The following ADGRE2 variants were observed in gnomAD, a reference collection of about 807,000 sequenced individuals.
The protein encoded by ADGRE2 is adhesion G protein-coupled receptor E2.
ADGRE2 carries 83 observed loss-of-function variants against 100.8 expected under a neutral mutation model. The ratio of observed to expected loss-of-function variants is 0.82; its 90% CI spans 0.69 to 0.99. ADGRE2 has a LOEUF of 0.99. Among genes scored for constraint, ADGRE2 ranks in the 50% least tolerant of loss-of-function variants. The pLI is 0.00. For synonymous variants in ADGRE2, 355 were observed against 413.0 expected, an observed-to-expected ratio of 0.86 and a Z score of 1.70; for missense variants, 814 against 1,035.7, an observed-to-expected ratio of 0.79 and a Z score of 2.94.
intron 5 of ADGRE2, among the ~76,000 whole-genome samples, chr19:14,770,368 T>G (rs1420204113): frequency 1.3e-5 from 2 of 152,186 alleles, no homozygotes; most frequent in African/African-American, 4.8e-5. Context: ...CAGAAGCAGA[T>G]GCTGGAGCCA....
intron 5 of ADGRE2, among the ~76,000 whole-genome samples, chr19:14,770,988 C>T (rs574756735): frequency 1.3e-5 from 2 of 152,114 alleles, no homozygotes; most frequent in East Asian, 3.9e-4. Flanking sequence ...CCCGGAGAGT[C>T]CTTTTTCTAA....
intron 5 of ADGRE2, among the ~76,000 whole-genome samples, chr19:14,769,855 G>A (rs1371282408): frequency 6.6e-6 from 1 of 151,954 alleles, no homozygotes; most frequent in Non-Finnish European, 1.5e-5. Flanking sequence ...CCACCACCAC[G>A]CCCAGCTAAT....
At chr19:14,749,642 G>T (rs2043216530) in intron 16 of ADGRE2, among the ~76,000 whole-genome samples, 1 of 143,438 alleles carries the variant, frequency 7.0e-6, no homozygotes, top group Non-Finnish European at 1.5e-5. Flanking sequence ...TTATAGCTAT[G>T]TTATGTAATT....
At chr19:14,745,894 A>G (rs903160628) in intron 18 of ADGRE2, among the ~76,000 whole-genome samples, 3 of 152,192 alleles carry the variant, frequency 2.0e-5, no homozygotes, top group African/African-American at 7.2e-5. Flanking sequence ...AGTGACCTCC[A>G]GTTTCATCCA....
intron 2 of ADGRE2, among the ~76,000 whole-genome samples, chr19:14,775,359 T>C (rs57768898): frequency 0.04 from 6,138 of 151,880 alleles, 173 homozygotes; most frequent in African/African-American, 0.081. Context: ...CTTGCTCTGT[T>C]GCCCAGGCTG....
intron 17 of ADGRE2, among the ~76,000 whole-genome samples, chr19:14,746,660 G>C (rs532321201): frequency 6.6e-6 from 1 of 152,148 alleles, no homozygotes; most frequent in African/African-American, 2.4e-5. Flanking sequence ...ACCACACCGG[G>C]CCTGAAGCCC....
chr19:14,769,888 C>T (rs561216437), intron 5 of ADGRE2, among the ~76,000 whole-genome samples: 48 of 152,092 alleles, frequency 3.2e-4, no homozygotes, highest in East Asian at 1.2e-3. Flanking sequence ...GTAGTAGAGA[C>T]GGGGTTTCAC....
intron 5 of ADGRE2, among the ~76,000 whole-genome samples, chr19:14,769,279 G>A (rs767723772): frequency 1.4e-4 from 22 of 152,274 alleles, no homozygotes; most frequent in Admixed American, 8.5e-4. Context: ...CAGATGGGCA[G>A]GGGGATGTTC....
intron 20 of ADGRE2, among the ~76,000 whole-genome samples, chr19:14,742,626 G>A (rs2042965159): frequency 6.6e-6 from 1 of 152,206 alleles, no homozygotes; most frequent in African/African-American, 2.4e-5. Flanking sequence ...GTTGGTAGAG[G>A]CAGACTTGTT....
At chr19:14,750,688 T>C (rs573329145) in intron 16 of ADGRE2, among the ~76,000 whole-genome samples, 2 of 152,312 alleles carry the variant, frequency 1.3e-5, no homozygotes, top group East Asian at 3.9e-4. Flanking sequence ...CTTTTTCAAA[T>C]GAAAAATTGG....
At chr19:14,750,355 A>C (rs1304968014) in intron 16 of ADGRE2, among the ~76,000 whole-genome samples, 1 of 151,792 alleles carries the variant, frequency 6.6e-6, no homozygotes, top group East Asian at 1.9e-4. Flanking sequence ...CATTTGACAA[A>C]ATCAAACACT....
chr19:14,773,213 G>C (rs111878082), intron 4 of ADGRE2, among the ~76,000 whole-genome samples: 2 of 148,810 alleles, frequency 1.3e-5, no homozygotes, highest in African/African-American at 5.0e-5. Flanking sequence ...TCCTGAGCAC[G>C]CAGCTTCTCT....
chr19:14,740,751 T>C (rs1208766960), intron 20 of ADGRE2, among the ~76,000 whole-genome samples: 1 of 130,164 alleles, frequency 7.7e-6, no homozygotes, highest in African/African-American at 4.8e-5. Context: ...ATGTATTTAC[T>C]TTACACAAGG....
the ADGRE2 span, among the ~76,000 whole-genome samples, chr19:14,725,005 A>G: frequency 2.0e-5 from 3 of 152,162 alleles, no homozygotes; most frequent in African/African-American, 7.2e-5. Flanking sequence ...GTAATTTATA[A>G]AGAAAAGAGG....
At chr19:14,749,182 TTATATAACCA>T (rs2043183398) in intron 16 of ADGRE2, among the ~76,000 whole-genome samples, 1 of 60,408 alleles carries the variant, frequency 1.7e-5, no homozygotes, top group Non-Finnish European at 2.8e-5. Flanking sequence ...AACCATATAA[TTATATAACCA>T]TATAATTATA....
intron 20 of ADGRE2, among the ~76,000 whole-genome samples, chr19:14,739,624 C>G (rs1270857090): frequency 1.3e-5 from 2 of 150,626 alleles, no homozygotes; most frequent in East Asian, 3.9e-4. Flanking sequence ...GAATAATGAC[C>G]CCCCAAAGAG....
rs778669202 is a variant in ADGRE2 at position 14,766,226 on chromosome 19, G to A, written c.634+9C>T. 2.5e-6 allele frequency: 4 copies of A among 1,613,956 alleles called. No individual in the cohort carries two copies. The highest frequency in any genetic ancestry group is 1.6e-4 in the Middle Eastern group (1 of 6,084). Reference sequence around the variant, plus strand: ...GGGTCTCTGGGAACGTGGGATCTGAGCTCTCGACCTTCACAGACGGTATTG... The same window carrying A: ...GGGTCTCTGGGAACGTGGGATCTGAACTCTCGACCTTCACAGACGGTATTG... On this transcript the variant is annotated intron_variant, in intron 7 of 20. Transcript: ENST00000315576.
Position 14,735,675 on chromosome 19 carries a change from A to G in ADGRE2, c.*561T>C, listed in dbSNP as rs1432910916. The G allele has an allele frequency of 6.6e-6, 1 of 152,100 alleles. No homozygotes were observed. Among genetic ancestry groups the G allele is most frequent in the Non-Finnish European group, 1.5e-5 (1 of 68,016 alleles). The allele number at this position is 152,100 out of a possible 1,614,324, so 9.4% of individuals were successfully genotyped here. A position where few individuals can be genotyped will look rare whatever the true frequency, so the allele number is the denominator to read the frequency against. ...CAACTCTAGCTGCAAGAGCCACTTC[A>G]TTTTCCCCTAAAAGCTCCATGAAGG... On this transcript the variant is annotated 3_prime_UTR_variant, in exon 21 of 21. Transcript: ENST00000315576.
rs2043496787 is a variant in ADGRE2 at position 14,756,220 on chromosome 19, C to T, written c.1192+18G>A. 6.4e-7 allele frequency: 1 copy of T among 1,554,234 alleles called. No homozygotes were observed. The highest frequency in any genetic ancestry group is 8.9e-7 in the Non-Finnish European group (1 of 1,125,592). ...CACCATGAAGCTTCACTGACCACCT[C>T]CCCATCTCAGCCATTACCTGGGTCA... is the stretch of plus-strand genomic sequence containing the variant. On this transcript the variant is annotated intron_variant, in intron 12 of 20. Coordinates refer to ENST00000315576, the MANE Select transcript of ADGRE2 (RefSeq NM_013447.4).
Sources: gnomAD v4.1 joint callset for allele counts (sites outside exome capture counted in the v4.1 genomes callset) on GRCh38, gnomAD v4.1.1 for gene constraint, MANE v1.5 for transcripts, NCBI Gene and HGNC (gene_info 2026-07-23, HGNC 2026-07-21) for gene names.